MBOAT4: variants seen among roughly 807,000 people sequenced by gnomAD.
The protein encoded by MBOAT4 is membrane bound ghrelin O-acyltransferase MBOAT4.
MBOAT4 carries 11 observed loss-of-function variants against 13.2 expected under a neutral mutation model. The observed-to-expected ratio is 0.84, with a 90% CI of 0.53 to 1.38. The LOEUF is 1.38. MBOAT4 is among the 40% of genes most tolerant of loss of function. MBOAT4 has a pLI of 0.00. For synonymous variants in MBOAT4, 202 were observed against 210.3 expected, an observed-to-expected ratio of 0.96 and a Z score of 0.34; for missense variants, 481 against 527.2, an observed-to-expected ratio of 0.91 and a Z score of 0.86.
chr8:30,143,773 A>G (rs1803303096), intron 1 of MBOAT4, among the ~76,000 whole-genome samples: 1 of 152,248 alleles, frequency 6.6e-6, no homozygotes, highest in Admixed American at 6.5e-5. Flanking sequence ...TACTGATGTA[A>G]CTTTATATAA....
chr8:30,135,057 T>G (rs1378053338), intron 2 of MBOAT4, among the ~76,000 whole-genome samples: 9 of 580 alleles, frequency 0.016, no homozygotes, highest in African/African-American at 0.016. Context: ...TTTTTGTGGG[T>G]TTTTTTTTTT....
intron 1 of MBOAT4, among the ~76,000 whole-genome samples, chr8:30,139,401 A>G (rs765073048): frequency 3.3e-5 from 5 of 152,044 alleles, no homozygotes; most frequent in African/African-American, 7.3e-5. Flanking sequence ...ATCTCCTGGT[A>G]CGTCATCTGA....
chr8:30,139,711 C>T (rs546804831), intron 1 of MBOAT4, among the ~76,000 whole-genome samples: 1 of 152,272 alleles, frequency 6.6e-6, no homozygotes, highest in East Asian at 1.9e-4. Context: ...GTAATCTCAG[C>T]ACTTTGGGAG....
chr8:30,137,298 G>A, intron 2 of MBOAT4: 1 of 1,551,682 alleles, frequency 6.4e-7, no homozygotes, highest in Non-Finnish European at 8.7e-7. Flanking sequence ...TCTTCAGCAA[G>A]ATGGGAACAG....
At chr8:30,142,287 C>T (rs1803274772) in intron 1 of MBOAT4, among the ~76,000 whole-genome samples, 1 of 152,200 alleles carries the variant, frequency 6.6e-6, no homozygotes, top group African/African-American at 2.4e-5. Flanking sequence ...TATTGATATA[C>T]ACAAGGACAC....
intron 1 of MBOAT4, among the ~76,000 whole-genome samples, chr8:30,141,859 G>A (rs977705717): frequency 2.6e-5 from 4 of 152,108 alleles, no homozygotes; most frequent in Non-Finnish European, 4.4e-5. Flanking sequence ...GGGGGAGAGC[G>A]TTAAGTGTCT....
At chr8:30,140,068 C>T (rs1355964400) in intron 1 of MBOAT4, among the ~76,000 whole-genome samples, 1 of 152,118 alleles carries the variant, frequency 6.6e-6, no homozygotes, top group Non-Finnish European at 1.5e-5. Context: ...GACAGAGTCT[C>T]GCTCTGTTGC....
At chr8:30,133,468 G>T (rs752120901) in intron 2 of MBOAT4, among the ~76,000 whole-genome samples, 1 of 152,122 alleles carries the variant, frequency 6.6e-6, no homozygotes, top group Non-Finnish European at 1.5e-5. Context: ...ACATTTACAC[G>T]CATGTTCAAC....
intron 2 of MBOAT4, chr8:30,137,278 C>G (rs375112131): frequency 1.3e-6 from 2 of 1,551,036 alleles, no homozygotes; most frequent in African/African-American, 2.7e-5. Context: ...CTAGATGGGG[C>G]GCCTACCCTT....
At chr8:30,135,238 G>A (rs1464066452) in intron 2 of MBOAT4, among the ~76,000 whole-genome samples, 2 of 152,120 alleles carry the variant, frequency 1.3e-5, no homozygotes, top group Non-Finnish European at 2.9e-5. Flanking sequence ...TATTTAGGGT[G>A]ACATCAGGCA....
In MBOAT4 at chr8:30,132,344, A is replaced by G; in HGVS notation, c.907T>C (p.Ser303Pro). 6.4e-7 allele frequency: 1 copy of G among 1,551,762 alleles called. No individual in the cohort carries two copies. The highest frequency in any genetic ancestry group is 1.4e-5 in the African/African-American group (1 of 73,174). ...GCTGTGCTTTGGTTCCACTTTCTTG[A>G]GAACACAGATATCCTGTGGGTTCTT... ...LERTHRISVF[S>P]RKWNQSTARW... Residue 303 changes from serine to proline, a missense_variant, in exon 3 of 3, where the codon TCA (serine) becomes CCA (proline). Coordinates refer to ENST00000320542, the MANE Select transcript of MBOAT4 (RefSeq NM_001100916.2).
At chr8:30,137,316 TG>T (rs1355940460) in intron 2 of MBOAT4, 1 of 1,551,598 alleles carries the variant, frequency 6.4e-7, no homozygotes, top group African/African-American at 1.4e-5. Context: ...CAGCTGAGTC[TG>T]AAGGAAGAGA....
At chr8:30,143,395 AT>A (rs2117553419) in intron 1 of MBOAT4, among the ~76,000 whole-genome samples, 1 of 4,572 alleles carries the variant, frequency 2.2e-4, no homozygotes, top group African/African-American at 2.7e-4. Flanking sequence ...ATATATATAT[AT>A]ATATAAAAAT....
chr8:30,134,538 A>G (rs1290412131), intron 2 of MBOAT4, among the ~76,000 whole-genome samples: 1 of 151,828 alleles, frequency 6.6e-6, no homozygotes, highest in East Asian at 1.9e-4. Flanking sequence ...AATAAGTATC[A>G]TTTTCTTTTT....
intron 1 of MBOAT4, among the ~76,000 whole-genome samples, chr8:30,140,438 C>G (rs4733393): frequency 0.85 from 128,901 of 151,788 alleles, 55,371 homozygotes; most frequent in Middle Eastern, 0.94. Context: ...GCTTTTGGGG[C>G]CCCCTGACTT....
At chr8:30,140,225 T>G (rs1165548344) in intron 1 of MBOAT4, among the ~76,000 whole-genome samples, 2 of 152,114 alleles carry the variant, frequency 1.3e-5, no homozygotes, top group Admixed American at 1.3e-4. Flanking sequence ...TTAGTAGAGA[T>G]GGAGTTTTGC....
At chr8:30,144,139 A>AAT (rs1803308899) in intron 1 of MBOAT4, among the ~76,000 whole-genome samples, 1 of 148,678 alleles carries the variant, frequency 6.7e-6, no homozygotes, top group Non-Finnish European at 1.5e-5. Context: ...GTATTTCTGA[A>AAT]TTTTTTTTTT....
At chr8:30,133,049 A>G in intron 2 of MBOAT4, 143 bp from the exon 3 acceptor site, 1 of 620,080 alleles carries the variant, frequency 1.6e-6, no homozygotes, top group Non-Finnish European at 2.5e-6. Flanking sequence ...GACCCCACAC[A>G]AAATAAATCT....
At chr8:30,142,461 T>A (rs1403555303) in intron 1 of MBOAT4, among the ~76,000 whole-genome samples, 1 of 152,170 alleles carries the variant, frequency 6.6e-6, no homozygotes, top group African/African-American at 2.4e-5. Context: ...GCTCAAGGGA[T>A]CCTCCTGCCT....
Sources: gnomAD v4.1 joint callset for allele counts (sites outside exome capture counted in the v4.1 genomes callset) on GRCh38, gnomAD v4.1.1 for gene constraint, MANE v1.5 for transcripts, NCBI Gene and HGNC (gene_info 2026-07-23, HGNC 2026-07-21) for gene names.